Variants in SLC36A1 observed in about 807,000 individuals in gnomAD.
SLC36A1 encodes solute carrier family 36 member 1.
A neutral mutation model predicts 47.5 loss-of-function variants in SLC36A1; 30 were observed. The ratio of observed to expected loss-of-function variants is 0.63; its 90% CI spans 0.47 to 0.86. SLC36A1 has a LOEUF of 0.86. Ranked by LOEUF, SLC36A1 falls within the 40% of genes least tolerant of loss-of-function variation. The pLI is 0.00. For synonymous variants in SLC36A1, 255 were observed against 249.7 expected (o/e 1.02, Z -0.20); for missense variants, 517 against 606.0 (o/e 0.85, Z 1.54).
intron 9 of SLC36A1, among the ~76,000 whole-genome samples, chr5:151,478,802 G>A (rs949517598): frequency 6.6e-6 from 1 of 150,744 alleles, no homozygotes; most frequent in African/African-American, 2.5e-5. Context: ...TGTCATGTGG[G>A]GTGAGTGTGT....
At chr5:151,506,227 G>C in the SLC36A1 span, 1 of 949,286 alleles carries the variant, frequency 1.1e-6, no homozygotes, top group Non-Finnish European at 1.5e-6. Flanking sequence ...CATCTGTGCA[G>C]GTTGTCTCTG....
At position 151,449,727 on chromosome 5, in the gene SLC36A1, TG is replaced by T. The variant is rs377534427; in HGVS notation, c.-6+1915del. ...AACTTTCAAAGAATTAGTGGTCTCCTGTATTAGAACACTGAGCACGGAGCTC... is the reference window on the plus strand; with the variant it reads ...AACTTTCAAAGAATTAGTGGTCTCCTTATTAGAACACTGAGCACGGAGCTC... On this transcript the variant is annotated intron_variant, in intron 1 of 10. Coordinates refer to ENST00000243389, the MANE Select transcript of SLC36A1 (RefSeq NM_078483.4). 1.4e-3 allele frequency among the ~76,000 whole-genome samples: 215 copies of T among 152,344 alleles called. 7 individuals carry two copies. The East Asian group carries it at 0.025, about 18-fold the overall frequency.
At chr5:151,542,726 G>A in the SLC36A1 span, 2 of 1,614,118 alleles carry the variant, frequency 1.2e-6, no homozygotes, top group Non-Finnish European at 1.7e-6. Context: ...GCCTTATATG[G>A]ATCAGCCTCA....
upstream of SLC36A1, among the ~76,000 whole-genome samples, chr5:151,443,217 G>GT (rs202047667): frequency 1.4e-4 from 22 of 151,808 alleles, no homozygotes; most frequent in Non-Finnish European, 2.2e-4. Context: ...CCTTTATACT[G>GT]TTTTTTTTAA....
chr5:151,459,042 A>T (rs56026426), intron 2 of SLC36A1, 107 bp downstream of exon 2: 16 of 1,288,256 alleles, frequency 1.2e-5, no homozygotes, highest in Non-Finnish European at 1.7e-5. Flanking sequence ...TTACAGATGA[A>T]GGTCAGCAGT....
chr5:151,441,122 A>G (rs1052590308), intron 1 of SLC36A1, among the ~76,000 whole-genome samples: 4 of 152,190 alleles, frequency 2.6e-5, no homozygotes, highest in Non-Finnish European at 5.9e-5. Context: ...TTTGAGAAGC[A>G]CTGGCACAAT....
At chr5:151,510,316 C>T in the SLC36A1 span, 2 of 949,362 alleles carry the variant, frequency 2.1e-6, no homozygotes, top group Non-Finnish European at 3.1e-6. Context: ...CAATACCGTG[C>T]TGGGCATTGG....
At chr5:151,376,319 ATAGTC>A in the SLC36A1 span, among the ~76,000 whole-genome samples, 1 of 152,256 alleles carries the variant, frequency 6.6e-6, no homozygotes, top group Non-Finnish European at 1.5e-5. Flanking sequence ...AAATCAATAA[ATAGTC>A]TAGCTAGAAG....
At chr5:151,540,714 C>A in the SLC36A1 span, 2 of 1,614,152 alleles carry the variant, frequency 1.2e-6, no homozygotes, top group Non-Finnish European at 1.7e-6. Context: ...AGGAAATCCT[C>A]CACTCATCTC....
chr5:151,474,159 C>CA (rs1156305401), intron 8 of SLC36A1, among the ~76,000 whole-genome samples: 12,231 of 59,708 alleles, frequency 0.2, 1,345 homozygotes, highest in East Asian at 0.38. Context: ...GACTCTGTCT[C>CA]AAAAAAAAAA....
At chr5:151,406,869 T>C in the SLC36A1 span, among the ~76,000 whole-genome samples, 1 of 151,964 alleles carries the variant, frequency 6.6e-6, no homozygotes, top group Non-Finnish European at 1.5e-5. Flanking sequence ...GCCCTCGCGG[T>C]GAGTGTTACA....
the SLC36A1 span, among the ~76,000 whole-genome samples, chr5:151,424,617 A>G: frequency 6.6e-6 from 1 of 152,238 alleles, no homozygotes; most frequent in Non-Finnish European, 1.5e-5. Flanking sequence ...CATGAGTCTT[A>G]TGGAATTCCT....
intron 5 of SLC36A1, among the ~76,000 whole-genome samples, chr5:151,465,808 T>C (rs357616): frequency 0.34 from 52,384 of 151,880 alleles, 9,293 homozygotes; most frequent in Non-Finnish European, 0.4. Context: ...TAGAGCAGGG[T>C]GTGGAGATGA....
chr5:151,444,490 G>C (rs1348784573), upstream of SLC36A1, among the ~76,000 whole-genome samples: 1 of 151,830 alleles, frequency 6.6e-6, no homozygotes, highest in Non-Finnish European at 1.5e-5. Context: ...AAATATTATT[G>C]ATTTTTTAAT....
At chr5:151,453,080 C>T (rs995336546) in intron 1 of SLC36A1, among the ~76,000 whole-genome samples, 11 of 141,086 alleles carry the variant, frequency 7.8e-5, no homozygotes, top group African/African-American at 2.9e-4. Context: ...GGCGCATGTC[C>T]GTAATCCCAG....
chr5:151,442,066 A>C (rs556556869), intron 1 of SLC36A1, among the ~76,000 whole-genome samples: 1 of 145,868 alleles, frequency 6.9e-6, no homozygotes, highest in African/African-American at 2.7e-5. Flanking sequence ...TTATTTTTTG[A>C]TTTATCCATG....
chr5:151,531,337 G>T, the SLC36A1 span, among the ~76,000 whole-genome samples: 1 of 152,166 alleles, frequency 6.6e-6, no homozygotes, highest in Non-Finnish European at 1.5e-5. This position sits in a 1 kb window ranked among gnomAD's most constrained non-coding sequence, Gnocchi z 5.7. Flanking sequence ...GATCACTGAG[G>T]GTCCTGGACA....
intron 8 of SLC36A1, among the ~76,000 whole-genome samples, chr5:151,474,178 A>AAAAAAAAAAAAGAGAG (rs776318482): frequency 6.7e-5 from 8 of 119,006 alleles, no homozygotes; most frequent in African/African-American, 1.8e-4. Context: ...AAAAAAAAAA[A>AAAAAAAAAAAAGAGAG]AGAAATTATC....
chr5:151,534,214 C>T, the SLC36A1 span, among the ~76,000 whole-genome samples: 1 of 152,220 alleles, frequency 6.6e-6, no homozygotes, highest in Non-Finnish European at 1.5e-5. Context: ...TGCTTCAAAA[C>T]ATTGCTAAAA....
Sources: allele counts gnomAD v4.1 joint callset (sites outside exome capture counted in the v4.1 genomes callset), GRCh38; gene constraint gnomAD v4.1.1; non-coding constraint Gnocchi (gnomAD v3.1); transcripts MANE v1.5; gene names NCBI Gene and HGNC (gene_info 2026-07-23, HGNC 2026-07-21).